The following RTKN2 variants were observed in gnomAD, a reference collection of about 807,000 sequenced individuals.
RTKN2 encodes rhotekin 2, also known as rhotekin-2.
RTKN2 carries 69 observed loss-of-function variants against 71.5 expected under a neutral mutation model. The observed-to-expected ratio is 0.96, with a 90% CI of 0.79 to 1.18. The LOEUF (loss-of-function observed/expected upper bound fraction) is 1.18, where lower values mean the gene tolerates loss of function less well. Among genes scored for constraint, RTKN2 ranks in the 50% most tolerant of loss-of-function variants. The pLI is 0.00. For missense variants in RTKN2, 724 were observed against 719.7 expected (o/e 1.01, Z -0.07); for synonymous variants, 236 against 236.5 (o/e 1.00, Z 0.02).
chr10:62,258,978 G>T (rs1842723660), intron 2 of RTKN2, among the ~76,000 whole-genome samples: 1 of 152,086 alleles, frequency 6.6e-6, no homozygotes, highest in Non-Finnish European at 1.5e-5. Context: ...TATCTGATAT[G>T]GTTTGGCTGT....
In RTKN2 at chr10:62,236,254, T is replaced by C; in HGVS notation, c.498A>G (p.Ala166=). The C allele has an allele frequency of 6.2e-7, 1 of 1,602,130 alleles. No individual in the cohort carries two copies. The highest frequency in any genetic ancestry group is 1.7e-4 in the Middle Eastern group (1 of 5,728). ...CCACCTTTATCTGAAAGTCTGGCCC[T>C]GCTTCATTACTAAAAACAAGGGCAT... The part of the protein sequence containing the change: ...CFENVTIFNE[A]GPDFQIKVEV... The change falls in exon 6 of 12, where the codon GCA becomes GCG. Residue 166 remains alanine (A), a synonymous_variant. Transcript: ENST00000373789.
intron 10 of RTKN2, among the ~76,000 whole-genome samples, chr10:62,201,405 T>C (rs1841438885): frequency 6.6e-6 from 1 of 152,096 alleles, no homozygotes; most frequent in Non-Finnish European, 1.5e-5. Flanking sequence ...AATTTCAAAA[T>C]AAGCCACACA....
intron 3 of RTKN2, among the ~76,000 whole-genome samples, chr10:62,242,679 G>A (rs1259198952): frequency 6.6e-6 from 1 of 151,366 alleles, no homozygotes; most frequent in African/African-American, 2.4e-5. Context: ...GCAATCGTGC[G>A]ATCTCACTGC....
chr10:62,228,610 T>C (rs1842081331), intron 6 of RTKN2, among the ~76,000 whole-genome samples: 1 of 152,194 alleles, frequency 6.6e-6, no homozygotes, highest in Non-Finnish European at 1.5e-5. Context: ...ATTGAAGGTA[T>C]TTCAGCATGT....
At chr10:62,217,372 T>C (rs1841796447) in intron 8 of RTKN2, 123 bp from the exon 9 acceptor site, 1 of 691,904 alleles carries the variant, frequency 1.4e-6, no homozygotes, top group Admixed American at 3.5e-5. Flanking sequence ...GATGGAATTA[T>C]CCATTAATTT....
At chr10:62,224,110 A>G (rs1841968931) in intron 6 of RTKN2, among the ~76,000 whole-genome samples, 1 of 152,160 alleles carries the variant, frequency 6.6e-6, no homozygotes, top group African/African-American at 2.4e-5. Context: ...GACAAACACT[A>G]TATATGATTT....
chr10:62,197,960 T>G lies in RTKN2; in HGVS notation c.1778A>C (p.Lys593Thr), dbSNP rs368288986. 5.6e-6 allele frequency: 9 copies of G among 1,613,952 alleles called. No homozygotes were observed. The highest frequency in any genetic ancestry group is 1.3e-5 in the African/African-American group (1 of 74,924). ...EAKPVPAPRQ[K>T]SIKDILDPRS... ...AGGGTCCAGAATGTCTTTGATGGATTTCTGCCTTGGAGCTGGCACTGGCTT... is the reference window on the plus strand; with the variant it reads ...AGGGTCCAGAATGTCTTTGATGGATGTCTGCCTTGGAGCTGGCACTGGCTT... The change falls in exon 12 of 12, where the codon AAA becomes ACA. Residue 593 changes from lysine (K) to threonine (T), a missense_variant. By Grantham distance (78) the Lys-to-Thr change is moderately conservative. Transcript: ENST00000373789.
At chr10:62,250,186 A>T (rs796328469) in intron 2 of RTKN2, among the ~76,000 whole-genome samples, 3 of 152,330 alleles carry the variant, frequency 2.0e-5, no homozygotes, top group African/African-American at 7.2e-5. Context: ...TTCCCCTAGA[A>T]GAAGTGTGAA....
Position 62,268,695 on chromosome 10 carries a change from G to T in RTKN2, c.-85C>A. On this transcript the variant is annotated 5_prime_UTR_variant, in exon 1 of 12. Transcript: ENST00000373789. ...GCCCCTGGCAGGAGCCGCAGAGGAC[G>T]CCAACCGCCCGGCCGTACCAAGTCC... 1 of 1,383,938 alleles carries T rather than the reference G, an allele frequency of 7.2e-7. No individual in the cohort carries two copies. The highest frequency in any genetic ancestry group is 9.9e-7 in the Non-Finnish European group (1 of 1,008,728). The allele number at this position is 1,383,938 out of a possible 1,614,324, so 85.7% of individuals were successfully genotyped here. A position where few individuals can be genotyped will look rare whatever the true frequency, so the allele number is the denominator to read the frequency against.
At chr10:62,250,524 C>T (rs887599130) in intron 2 of RTKN2, among the ~76,000 whole-genome samples, 2 of 152,206 alleles carry the variant, frequency 1.3e-5, no homozygotes, top group Admixed American at 1.3e-4. Context: ...ACAGTATTCT[C>T]TTCTTAGCCA....
At chr10:62,184,194 G>A (rs994823182) in exon 9 of RTKN2, 14 of 616,552 alleles carry the variant, frequency 2.3e-5, no homozygotes, top group African/African-American at 1.7e-4. Flanking sequence ...GTCAGGTGCC[G>A]TACTGGGTGC....
At chr10:62,252,483 G>A (rs1480925284) in intron 2 of RTKN2, among the ~76,000 whole-genome samples, 1 of 152,050 alleles carries the variant, frequency 6.6e-6, no homozygotes, top group Non-Finnish European at 1.5e-5. Flanking sequence ...AAGTACAACG[G>A]AAGAACAAGA....
chr10:62,264,208 T>A (rs1842828871), intron 1 of RTKN2, among the ~76,000 whole-genome samples: 1 of 152,230 alleles, frequency 6.6e-6, no homozygotes, highest in Non-Finnish European at 1.5e-5. Context: ...TAATAGTTTT[T>A]GAAGACTACC....
intron 1 of RTKN2, among the ~76,000 whole-genome samples, chr10:62,263,280 T>C (rs955058550): frequency 6.6e-6 from 1 of 152,120 alleles, no homozygotes; most frequent in East Asian, 1.9e-4. Flanking sequence ...GAGAATGACA[T>C]GTGAAGACAG....
Position 62,195,494 on chromosome 10 carries a change from GA to G in RTKN2, c.*2413del. The stretch of plus-strand genomic sequence containing the variant: ...GGAAGGGAGGAAGGAGAGACAGAAG[GA>G]AAGTGGGAAAAGGGGATGAGACAGA... On this transcript the variant is annotated 3_prime_UTR_variant, in exon 12 of 12. Coordinates refer to ENST00000373789, the MANE Select transcript of RTKN2 (RefSeq NM_145307.4). 1 of 905,810 alleles carries G rather than the reference GA, an allele frequency of 1.1e-6. No individual in the cohort carries two copies. The highest frequency in any genetic ancestry group is 1.3e-6 in the Non-Finnish European group (1 of 757,692). The allele number at this position is 905,810 out of a possible 1,614,324, so 56.1% of individuals were successfully genotyped here.
intron 2 of RTKN2, among the ~76,000 whole-genome samples, chr10:62,252,543 G>A (rs72835202): frequency 0.018 from 2,768 of 151,916 alleles, 43 homozygotes; most frequent in South Asian, 0.06. Context: ...AAACAAAGGT[G>A]AAGATATGAC....
chr10:62,236,485 A>G (rs1430564479), intron 5 of RTKN2, among the ~76,000 whole-genome samples: 2 of 152,036 alleles, frequency 1.3e-5, no homozygotes, highest in African/African-American at 4.8e-5. Context: ...GAACCCTAGT[A>G]CACTGCTGGC....
At chr10:62,231,493 G>C (rs1005856846) in intron 6 of RTKN2, among the ~76,000 whole-genome samples, 3 of 152,238 alleles carry the variant, frequency 2.0e-5, no homozygotes, top group African/African-American at 7.2e-5. Context: ...TAACTACAAT[G>C]CCAGTGCTTC....
intron 10 of RTKN2, among the ~76,000 whole-genome samples, chr10:62,201,075 T>A (rs1393226308): frequency 6.6e-6 from 1 of 152,168 alleles, no homozygotes; most frequent in Non-Finnish European, 1.5e-5. Flanking sequence ...TTCCTACGTA[T>A]CTGTATATTA....
Sources: gnomAD v4.1 joint callset for allele counts (sites outside exome capture counted in the v4.1 genomes callset) on GRCh38, gnomAD v4.1.1 for gene constraint, MANE v1.5 for transcripts, NCBI Gene and HGNC (gene_info 2026-07-23, HGNC 2026-07-21) for gene names.